The following BTBD7 variants were observed in gnomAD, a reference collection of about 807,000 sequenced individuals.
BTBD7 encodes the protein BTB domain containing 7.
BTBD7 carries 38 observed loss-of-function variants against 99.9 expected under a neutral mutation model. The observed-to-expected ratio is 0.38, with a 90% CI of 0.29 to 0.50. The LOEUF (loss-of-function observed/expected upper bound fraction) is 0.50. BTBD7 is among the 20% of genes least tolerant of loss of function. BTBD7 has a pLI of 0.93. For synonymous variants in BTBD7, 520 were observed against 511.4 expected, an observed-to-expected ratio of 1.02 and a Z score of -0.23; for missense variants, 1,170 against 1,394.6, an observed-to-expected ratio of 0.84 and a Z score of 2.57.
chr14:93,322,835 T>C (rs2139826021), intron 1 of BTBD7, among the ~76,000 whole-genome samples: 1 of 152,334 alleles, frequency 6.6e-6, no homozygotes, highest in Admixed American at 6.5e-5. Context: ...ACTACAAGGC[T>C]GGGTGATGTG....
chr14:93,325,207 G>C (rs1285110884), intron 1 of BTBD7, among the ~76,000 whole-genome samples: 1 of 145,978 alleles, frequency 6.9e-6, no homozygotes. Flanking sequence ...TCCGCCTCTT[G>C]GGGACAAGCG....
rs760471519 is a variant in BTBD7, at chr14:93,294,312, A to G, written c.708T>C (p.Asp236=). 1 of 1,614,196 alleles carries G rather than the reference A, an allele frequency of 6.2e-7. No homozygotes were observed. Among genetic ancestry groups the G allele is most frequent in the South Asian group, 1.1e-5 (1 of 91,082 alleles). ...ACATGTAATCAAAGAGTCCACGCAT[A>G]TCTACATCAAGGGAATTTGGTGTTC... ...EFGTPNSLDV[D]MRGLFDYMCY... is the part of the protein sequence containing the mutation. Residue 236 remains aspartate, a synonymous_variant, in exon 3 of 11, where the codon GAT becomes GAC. Transcript: ENST00000334746.
At chr14:93,317,901 GT>G (rs2139816754) in intron 1 of BTBD7, among the ~76,000 whole-genome samples, 1 of 152,348 alleles carries the variant, frequency 6.6e-6, no homozygotes, top group East Asian at 1.9e-4. Flanking sequence ...TGGGCAGTGA[GT>G]CTCTTATAAG....
chr14:93,308,106 A>T (rs975661275), intron 1 of BTBD7, among the ~76,000 whole-genome samples: 12 of 152,012 alleles, frequency 7.9e-5, no homozygotes, highest in African/African-American at 2.9e-4. Context: ...CATCCTGGCT[A>T]ACACAGTGAA....
rs759897389 is a variant in BTBD7, at chr14:93,243,019, CCTTG to C, written c.2649_2652del (p.Lys884ThrfsTer9). On this transcript the variant is annotated frameshift_variant, in exon 11 of 11. Transcript: ENST00000334746. LOFTEE classifies it high-confidence loss of function. ...ACAGCAAGCTCTGGAAGCCTCCTGT[CCTTG>C]AGTGACAGTGTGGACACACCCACCG... 1 of 1,614,016 alleles carries C rather than the reference CCTTG, an allele frequency of 6.2e-7. No homozygotes were observed. Among genetic ancestry groups the C allele is most frequent in the Non-Finnish European group, 8.5e-7 (1 of 1,180,018 alleles).
chr14:93,300,804 T>G (rs1416302717), intron 1 of BTBD7, among the ~76,000 whole-genome samples: 5 of 141,000 alleles, frequency 3.5e-5, no homozygotes, highest in Non-Finnish European at 3.0e-5. Context: ...TTTGTAGAGA[T>G]AGGGTTTTGC....
intron 3 of BTBD7, among the ~76,000 whole-genome samples, chr14:93,272,837 T>C (rs1164070686): frequency 6.8e-6 from 1 of 146,346 alleles, no homozygotes; most frequent in African/African-American, 2.5e-5. Context: ...CTCTCTACTA[T>C]TTCTCAGGAG....
rs1163199043 is a variant in BTBD7 at position 93,251,655 on chromosome 14, G to A, written c.1753-3C>T. ...ACCATCATCTCATCTAGCACTGACTGAAATAATCATTCAGTATTAACAAAA... is the reference window on the plus strand; with the variant it reads ...ACCATCATCTCATCTAGCACTGACTAAAATAATCATTCAGTATTAACAAAA... On this transcript the variant is annotated splice_region_variant and splice_polypyrimidine_tract_variant and intron_variant, in intron 7 of 10. Coordinates refer to ENST00000334746, the MANE Select transcript of BTBD7 (RefSeq NM_001002860.4). The A allele has an allele frequency of 1.9e-6, 3 of 1,573,932 alleles. No homozygotes were observed. In the African/African-American group the frequency reaches 4.0e-5, roughly 21 times the overall value.
rs966947464 is a variant in BTBD7 at position 93,313,727 on chromosome 14, T to C, written c.-106-17570A>G. On this transcript the variant is annotated intron_variant, in intron 1 of 10. Coordinates refer to ENST00000334746, the MANE Select transcript of BTBD7 (RefSeq NM_001002860.4). ...ACACACACACACACAATCACACATA[T>C]ATACACACACATTTATTTTAATTTG... 1.2e-4 allele frequency among the ~76,000 whole-genome samples: 17 copies of C among 147,618 alleles called. 1 individual carries two copies. Among genetic ancestry groups the C allele is most frequent in the African/African-American group, 3.5e-4 (14 of 39,490 alleles).
chr14:93,255,988 TTTTA>T (rs1416789396), intron 6 of BTBD7: 2 of 152,236 alleles, frequency 1.3e-5, no homozygotes, highest in Non-Finnish European at 2.9e-5. Context: ...TAAGTTTTGT[TTTTA>T]TTTATTTTTA....
chr14:93,274,218 G>T (rs950333421), intron 3 of BTBD7, among the ~76,000 whole-genome samples: 10 of 152,202 alleles, frequency 6.6e-5, no homozygotes, highest in Non-Finnish European at 1.5e-5. Context: ...TGAAGATTCC[G>T]TGATGATGGA....
At chr14:93,320,662 C>T (rs2053259555) in intron 1 of BTBD7, among the ~76,000 whole-genome samples, 1 of 152,092 alleles carries the variant, frequency 6.6e-6, no homozygotes, top group South Asian at 2.1e-4. Context: ...AATGACATTC[C>T]AACTTCTCCA....
At chr14:93,300,704 T>TTGTGTGTGTGTGTGTG (rs57228905) in intron 1 of BTBD7, among the ~76,000 whole-genome samples, 9 of 87,092 alleles carry the variant, frequency 1.0e-4, no homozygotes, top group East Asian at 7.5e-4. Flanking sequence ...CCCAGCTAAT[T>TTGTGTGTGTGTGTGTG]TGTGTGTGTG....
chr14:93,252,046 A>C (rs1395500129), intron 7 of BTBD7, among the ~76,000 whole-genome samples: 1 of 152,174 alleles, frequency 6.6e-6, no homozygotes, highest in Non-Finnish European at 1.5e-5. Context: ...GTGGTGACTC[A>C]TGCCTGTAAT....
At chr14:93,286,814 A>C (rs2052783918) in intron 3 of BTBD7, among the ~76,000 whole-genome samples, 1 of 152,196 alleles carries the variant, frequency 6.6e-6, no homozygotes, top group Admixed American at 6.5e-5. Flanking sequence ...TGTACATTCA[A>C]ATTATAAGCA....
chr14:93,270,601 A>T (rs944034763), intron 3 of BTBD7, among the ~76,000 whole-genome samples: 1 of 151,868 alleles, frequency 6.6e-6, no homozygotes, highest in Non-Finnish European at 1.5e-5. Flanking sequence ...AGGCTGAGGC[A>T]GGATAATCAC....
intron 6 of BTBD7, 51 bp from the exon 7 acceptor site, chr14:93,253,841 T>C: frequency 1.3e-6 from 1 of 790,294 alleles, no homozygotes; most frequent in East Asian, 3.2e-5. Flanking sequence ...ACTATAATAC[T>C]ACTAAGATAA....
chr14:93,284,892 G>C (rs1318861526), intron 3 of BTBD7, among the ~76,000 whole-genome samples: 1 of 151,792 alleles, frequency 6.6e-6, no homozygotes, highest in East Asian at 1.9e-4. Context: ...AGAGTTTGTA[G>C]TCTATGAAAA....
chr14:93,262,616 C>T (rs1005489165), intron 4 of BTBD7, among the ~76,000 whole-genome samples: 2 of 152,096 alleles, frequency 1.3e-5, no homozygotes, highest in Non-Finnish European at 2.9e-5. Context: ...CTACTCTCTC[C>T]TGGAGGGACA....
Sources: gnomAD v4.1 joint callset for allele counts (sites outside exome capture counted in the v4.1 genomes callset) on GRCh38, gnomAD v4.1.1 for gene constraint, MANE v1.5 for transcripts, NCBI Gene and HGNC (gene_info 2026-07-23, HGNC 2026-07-21) for gene names.